ZNF277: variants seen among roughly 807,000 people sequenced by gnomAD.
The protein encoded by ZNF277 is zinc finger protein 277, also known as nuclear receptor-interacting factor 4.
A neutral mutation model predicts 60.7 loss-of-function variants in ZNF277; 55 were observed. The ratio of observed to expected loss-of-function variants is 0.91; its 90% CI spans 0.73 to 1.13. The LOEUF (loss-of-function observed/expected upper bound fraction) is 1.13, where lower values mean the gene tolerates loss of function less well. Ranked by LOEUF, ZNF277 falls within the 50% of genes most tolerant of loss-of-function variation. The pLI is 0.00. For synonymous variants in ZNF277, 178 were observed against 179.3 expected (o/e 0.99, Z 0.06); for missense variants, 510 against 523.0 (o/e 0.98, Z 0.24).
At chr7:112,276,809 G>GT (rs1167834537) in intron 1 of ZNF277, among the ~76,000 whole-genome samples, 1 of 152,072 alleles carries the variant, frequency 6.6e-6, no homozygotes, top group East Asian at 1.9e-4. Flanking sequence ...TTTACCAAGG[G>GT]TATTTATCTG....
chr7:112,297,904 G>T (rs1017839449), intron 4 of ZNF277, among the ~76,000 whole-genome samples: 2 of 152,132 alleles, frequency 1.3e-5, no homozygotes, highest in African/African-American at 4.8e-5. Context: ...GAATCTGTAC[G>T]ATGTGTCTGC....
At chr7:112,337,092 T>C (rs1387673441) in intron 8 of ZNF277, among the ~76,000 whole-genome samples, 6 of 152,162 alleles carry the variant, frequency 3.9e-5, no homozygotes, top group African/African-American at 1.4e-4. Flanking sequence ...GTGTTCCTTG[T>C]CTCCACAACT....
chr7:112,318,547 A>G (rs1326994437), intron 5 of ZNF277, among the ~76,000 whole-genome samples: 1 of 152,112 alleles, frequency 6.6e-6, no homozygotes, highest in African/African-American at 2.4e-5. Flanking sequence ...CATATGCAGC[A>G]AACTACTGCA....
At chr7:112,321,191 G>T (rs970950501) in intron 5 of ZNF277, among the ~76,000 whole-genome samples, 2 of 151,864 alleles carry the variant, frequency 1.3e-5, no homozygotes, top group African/African-American at 4.8e-5. Flanking sequence ...AAAGTGCTGG[G>T]ATTACAGGAG....
chr7:112,288,883 G>A (rs1792133991), intron 2 of ZNF277: 1 of 146,424 alleles, frequency 6.8e-6, no homozygotes, highest in South Asian at 2.2e-4. Flanking sequence ...GGAGAACATA[G>A]GGTAGTCAAG....
intron 1 of ZNF277, among the ~76,000 whole-genome samples, chr7:112,216,665 GA>G (rs1006372600): frequency 3.3e-5 from 5 of 152,190 alleles, no homozygotes; most frequent in Admixed American, 2.6e-4. Flanking sequence ...GTTTGTAAAT[GA>G]GGGAGTGAGA....
intron 1 of ZNF277, among the ~76,000 whole-genome samples, chr7:112,282,420 A>G (rs576706099): frequency 5.9e-5 from 9 of 152,354 alleles, no homozygotes; most frequent in Admixed American, 5.2e-4. Flanking sequence ...ATAATTTATT[A>G]TCCTTCCCTG....
Position 112,319,279 on chromosome 7 carries a change from C to A in ZNF277, c.557+1006C>A, listed in dbSNP as rs144616300. 4.6e-5 allele frequency among the ~76,000 whole-genome samples: 7 copies of A among 152,166 alleles called. No homozygotes were observed. The East Asian group carries it at 1.4e-3, about 29-fold the overall frequency. On this transcript the variant is annotated intron_variant, in intron 5 of 11. Transcript: ENST00000361822. The stretch of plus-strand genomic sequence containing the variant: ...ATGATGAACATTCCCCATCTGGAAG[C>A]TATGTAGGGTCCTACCATGAGTCTC...
At chr7:112,339,429 G>A (rs10266828) in intron 9 of ZNF277, among the ~76,000 whole-genome samples, 6,667 of 152,128 alleles carry the variant, frequency 0.044, 345 homozygotes, top group African/African-American at 0.13. Flanking sequence ...AGCGATTCTC[G>A]TGCCTCAGCC....
intron 1 of ZNF277, among the ~76,000 whole-genome samples, chr7:112,210,700 G>GACCAC (rs1243644857): frequency 3.9e-5 from 6 of 151,948 alleles, no homozygotes; most frequent in African/African-American, 1.5e-4. Context: ...TCAAACTCCT[G>GACCAC]ACCACAGGTG....
At chr7:112,294,484 A>G (rs1239843606) in intron 2 of ZNF277, among the ~76,000 whole-genome samples, 1 of 152,194 alleles carries the variant, frequency 6.6e-6, no homozygotes, top group African/African-American at 2.4e-5. Flanking sequence ...TAAGATTGCC[A>G]TTTTAAGATC....
intron 1 of ZNF277, 117 bp from the exon 2 acceptor site, chr7:112,286,756 G>GACATGTAA: frequency 1.2e-6 from 1 of 848,138 alleles, no homozygotes; most frequent in Non-Finnish European, 1.8e-6. Flanking sequence ...TCTTTTTGGA[G>GACATGTAA]ACATGTAAAT....
chr7:112,325,286 C>T (rs575000893), intron 5 of ZNF277, among the ~76,000 whole-genome samples: 1 of 152,294 alleles, frequency 6.6e-6, no homozygotes, highest in South Asian at 2.1e-4. Context: ...AACCAGAAGA[C>T]ATCAAGGACC....
At chr7:112,252,870 A>G (rs551205698) in intron 1 of ZNF277, among the ~76,000 whole-genome samples, 3 of 152,280 alleles carry the variant, frequency 2.0e-5, no homozygotes, top group African/African-American at 7.2e-5. Context: ...GAAACAAACC[A>G]AAGAGTATTC....
chr7:112,280,618 C>G (rs1031107091), intron 1 of ZNF277, among the ~76,000 whole-genome samples: 2 of 151,418 alleles, frequency 1.3e-5, no homozygotes, highest in African/African-American at 2.4e-5. Context: ...TTATATATTT[C>G]TGTATCTATT....
chr7:112,219,576 C>T (rs1310582994), intron 1 of ZNF277, among the ~76,000 whole-genome samples: 2 of 151,936 alleles, frequency 1.3e-5, no homozygotes, highest in Non-Finnish European at 2.9e-5. Flanking sequence ...TTCATTGGTC[C>T]GTGTGTCTAT....
intron 4 of ZNF277, among the ~76,000 whole-genome samples, chr7:112,308,677 C>G (rs1792655412): frequency 3.9e-5 from 6 of 152,182 alleles, no homozygotes; most frequent in South Asian, 4.2e-4. Context: ...ACTTTTCATG[C>G]AAGTTCTAGT....
At chr7:112,257,042 C>A (rs1791329771) in intron 1 of ZNF277, among the ~76,000 whole-genome samples, 1 of 152,086 alleles carries the variant, frequency 6.6e-6, no homozygotes, top group African/African-American at 2.4e-5. Flanking sequence ...AAGGAGTTTA[C>A]CAGAGTTCTG....
intron 1 of ZNF277, among the ~76,000 whole-genome samples, chr7:112,274,048 T>C (rs1791740057): frequency 6.6e-6 from 1 of 151,116 alleles, no homozygotes; most frequent in African/African-American, 2.4e-5. Flanking sequence ...ATGAGATATA[T>C]ATATATATAT....
Sources: gnomAD v4.1 joint callset for allele counts (sites outside exome capture counted in the v4.1 genomes callset) on GRCh38, gnomAD v4.1.1 for gene constraint, MANE v1.5 for transcripts, NCBI Gene and HGNC (gene_info 2026-07-23, HGNC 2026-07-21) for gene names.